NWD2: variants seen among roughly 807,000 people sequenced by gnomAD.
NWD2 encodes NACHT and WD repeat domain-containing protein 2.
A neutral mutation model predicts 132.7 loss-of-function variants in NWD2; 37 were observed. The ratio of observed to expected loss-of-function variants is 0.28; its 90% CI spans 0.21 to 0.37. NWD2 has a LOEUF of 0.37. NWD2 is among the 10% of genes least tolerant of loss of function. The probability of loss-of-function intolerance (pLI) is 1.00; values close to 1 mark genes in which losing one functional copy is unlikely to be tolerated. For missense variants in NWD2, 1,592 were observed against 2,122.4 expected (o/e 0.75, Z 4.91); for synonymous variants, 705 against 803.0 (o/e 0.88, Z 2.06).
intron 3 of NWD2, among the ~76,000 whole-genome samples, chr4:37,405,099 A>G (rs1437343504): frequency 6.6e-6 from 1 of 152,216 alleles, no homozygotes; most frequent in Non-Finnish European, 1.5e-5. Flanking sequence ...TGAATCGATG[A>G]ACAAATAAAT....
chr4:37,352,784 T>C (rs981224656), intron 2 of NWD2, among the ~76,000 whole-genome samples: 1 of 152,206 alleles, frequency 6.6e-6, no homozygotes, highest in Non-Finnish European at 1.5e-5. Context: ...TACAGCACAC[T>C]GATGGGTCTT....
intron 3 of NWD2, among the ~76,000 whole-genome samples, chr4:37,374,984 T>G (rs995194420): frequency 1.3e-5 from 2 of 152,222 alleles, no homozygotes; most frequent in African/African-American, 4.8e-5. Context: ...AACAAAGTTG[T>G]AACCAAATTC....
intron 1 of NWD2, among the ~76,000 whole-genome samples, chr4:37,268,453 A>G (rs546368538): frequency 4.6e-5 from 7 of 151,980 alleles, no homozygotes; most frequent in East Asian, 1.9e-4. Context: ...TCCCAAATTC[A>G]TTGTTAACTA....
chr4:37,302,474 C>T (rs1267427198), intron 1 of NWD2, among the ~76,000 whole-genome samples: 1 of 151,918 alleles, frequency 6.6e-6, no homozygotes, highest in Non-Finnish European at 1.5e-5. Context: ...TGGATAAATC[C>T]CAGTAGTGGG....
At chr4:37,351,290 C>G (rs1205968849) in intron 2 of NWD2, among the ~76,000 whole-genome samples, 1 of 152,146 alleles carries the variant, frequency 6.6e-6, no homozygotes, top group African/African-American at 2.4e-5. Context: ...TAGAATCCAG[C>G]TGTGAATCCA....
chr4:37,287,350 G>A (rs985521078), intron 1 of NWD2, among the ~76,000 whole-genome samples: 1 of 152,056 alleles, frequency 6.6e-6, no homozygotes, highest in Non-Finnish European at 1.5e-5. Flanking sequence ...GCGACGGGGG[G>A]CAGCAGCCAG....
intron 3 of NWD2, among the ~76,000 whole-genome samples, chr4:37,390,777 G>A (rs531471267): frequency 6.6e-6 from 1 of 152,314 alleles, no homozygotes; most frequent in African/African-American, 2.4e-5. Flanking sequence ...AATTAGCAGA[G>A]AAGCTTCATG....
chr4:37,371,072 C>CTTTTTTTTTTTTTT lies in NWD2; in HGVS notation c.357+14595_357+14596insTTTTTTTTTTTTTT, dbSNP rs1309185055. Among the ~76,000 whole-genome samples, 5 of 100,526 alleles carry CTTTTTTTTTTTTTT rather than the reference C, an allele frequency of 5.0e-5. 1 individual carries two copies. Among genetic ancestry groups the CTTTTTTTTTTTTTT allele is most frequent in the African/African-American group, 7.8e-5 (2 of 25,498 alleles). 65.9% of individuals were successfully genotyped at this position (100,526 alleles called of 152,430 possible). A position where few individuals can be genotyped will look rare whatever the true frequency, so the allele number is the denominator to read the frequency against. ...TGCCAAAGAAGTTCAATTTTTTTTTCTTTTTCTTTTTTTTTTTTTTTTTGA... is the reference window on the plus strand; with the variant it reads ...TGCCAAAGAAGTTCAATTTTTTTTTCTTTTTTTTTTTTTTTTTTTCTTTTTTTTTTTTTTTTTGA... On this transcript the variant is annotated intron_variant, in intron 3 of 6. Transcript: ENST00000309447.
intron 3 of NWD2, among the ~76,000 whole-genome samples, chr4:37,381,888 A>ATTGATGTTGAAGAGAAAATTCTCT (rs1720461329): frequency 6.6e-6 from 1 of 152,248 alleles, no homozygotes; most frequent in South Asian, 2.1e-4. Flanking sequence ...TTTCAAAAGA[A>ATTGATGTTGAAGAGAAAATTCTCT]TTGATGTTGA....
At chr4:37,421,252 A>T (rs1455423155) in intron 3 of NWD2, among the ~76,000 whole-genome samples, 1 of 152,114 alleles carries the variant, frequency 6.6e-6, no homozygotes, top group Non-Finnish European at 1.5e-5. Flanking sequence ...CACAGTTCTC[A>T]ATTTTGTAAG....
At chr4:37,264,279 T>G (rs1263608128) in intron 1 of NWD2, among the ~76,000 whole-genome samples, 1 of 152,212 alleles carries the variant, frequency 6.6e-6, no homozygotes, top group Non-Finnish European at 1.5e-5. Flanking sequence ...ATAAAACTCA[T>G]ATATCCCTAA....
Position 37,430,757 on chromosome 4 carries a change from G to A in NWD2, c.543G>A (p.Leu181=). 1 of 1,551,562 alleles carries A rather than the reference G, an allele frequency of 6.4e-7. No homozygotes were observed. Among genetic ancestry groups the A allele is most frequent in the Non-Finnish European group, 8.7e-7 (1 of 1,146,820 alleles). Residue 181 remains leucine (L), a synonymous_variant, in exon 4 of 7, where the codon CTG becomes CTA. Transcript: ENST00000309447. ...AYYLRPKSEM[L]RSNRNAMQPS... ...ACCTCAGACCCAAGTCAGAAATGCT[G>A]AGAAGCAATAGAAATGCAGTAAGCT...
chr4:37,370,990 C>T (rs1297471126), intron 3 of NWD2, among the ~76,000 whole-genome samples: 1 of 151,766 alleles, frequency 6.6e-6, no homozygotes, highest in Non-Finnish European at 1.5e-5. Flanking sequence ...CATACACCCA[C>T]ACATTAAACC....
At chr4:37,345,692 T>A (rs961499563) in intron 2 of NWD2, among the ~76,000 whole-genome samples, 29 of 152,178 alleles carry the variant, frequency 1.9e-4, no homozygotes, top group Non-Finnish European at 3.4e-4. Context: ...ATCATAATTT[T>A]AAAAAAATTT....
intron 3 of NWD2, among the ~76,000 whole-genome samples, chr4:37,373,888 T>C (rs564435030): frequency 5.3e-5 from 8 of 152,314 alleles, no homozygotes; most frequent in African/African-American, 1.9e-4. Flanking sequence ...CTGAAAATGG[T>C]TTGCCATCAG....
At chr4:37,437,751 C>G (rs551095797) in intron 5 of NWD2, among the ~76,000 whole-genome samples, 1 of 151,612 alleles carries the variant, frequency 6.6e-6, no homozygotes, top group Admixed American at 6.6e-5. Flanking sequence ...TACTACTGAC[C>G]CAGTTTAAAA....
chr4:37,303,145 AAT>A (rs1463401907), intron 1 of NWD2, among the ~76,000 whole-genome samples: 2 of 152,130 alleles, frequency 1.3e-5, no homozygotes, highest in Non-Finnish European at 2.9e-5. Flanking sequence ...ATGTGGGTGT[AAT>A]GTTTGGTCTT....
intron 3 of NWD2, among the ~76,000 whole-genome samples, chr4:37,421,875 G>A (rs185445848): frequency 2.0e-5 from 3 of 152,246 alleles, no homozygotes; most frequent in Admixed American, 2.0e-4. Context: ...GGAACTGGAA[G>A]TTTAAGATTA....
chr4:37,273,570 A>G (rs1717918089), intron 1 of NWD2, among the ~76,000 whole-genome samples: 1 of 152,148 alleles, frequency 6.6e-6, no homozygotes, highest in Non-Finnish European at 1.5e-5. Flanking sequence ...TCAGCTCTGC[A>G]CCAAGCAGAC....
Sources: gnomAD v4.1 joint callset for allele counts (sites outside exome capture counted in the v4.1 genomes callset) on GRCh38, gnomAD v4.1.1 for gene constraint, MANE v1.5 for transcripts, NCBI Gene and HGNC (gene_info 2026-07-23, HGNC 2026-07-21) for gene names.